The following TAOK3 variants were observed in gnomAD, a reference collection of about 807,000 sequenced individuals.
TAOK3 encodes the protein TAO kinase 3.
A neutral mutation model predicts 120.4 loss-of-function variants in TAOK3; 40 were observed. That is an observed-to-expected ratio of 0.33 (90% CI 0.26 to 0.43). The LOEUF (loss-of-function observed/expected upper bound fraction) is 0.43. TAOK3 is among the 20% of genes least tolerant of loss of function. The pLI, the probability that TAOK3 is intolerant of heterozygous loss-of-function variation, is 1.00. For missense variants in TAOK3, 821 were observed against 1,112.1 expected (o/e 0.74, Z 3.72); for synonymous variants, 355 against 387.5 (o/e 0.92, Z 0.99).
rs535294573 is a variant in TAOK3, at chr12:118,332,198, T to C, written c.-194+40450A>G. On this transcript the variant is annotated intron_variant, in intron 1 of 20. Coordinates refer to ENST00000392533, the MANE Select transcript of TAOK3 (RefSeq NM_016281.4). The stretch of plus-strand genomic sequence containing the variant: ...TAGGAAGTATTTCTAGAGTTTATAC[T>C]AATTGTTTCTTTCTTAAGAAAGACA... Among the ~76,000 whole-genome samples, 48 of 152,330 alleles carry C rather than the reference T, an allele frequency of 3.2e-4. 1 individual carries two copies. In the South Asian group the frequency reaches 9.7e-3, roughly 31 times the overall value.
intron 1 of TAOK3, among the ~76,000 whole-genome samples, chr12:118,354,716 T>C (rs537365650): frequency 7.2e-5 from 11 of 152,234 alleles, no homozygotes; most frequent in African/African-American, 2.2e-4. Context: ...GATGGTTTTA[T>C]CAGGGGGAGT....
chr12:118,363,765 A>C (rs1298083984), intron 1 of TAOK3, among the ~76,000 whole-genome samples: 1 of 151,532 alleles, frequency 6.6e-6, no homozygotes, highest in Non-Finnish European at 1.5e-5. Flanking sequence ...TGAGAGAGAG[A>C]GAGAGAGAGA....
chr12:118,264,193 C>T (rs1224234837), intron 2 of TAOK3, among the ~76,000 whole-genome samples: 1 of 152,188 alleles, frequency 6.6e-6, no homozygotes, highest in Non-Finnish European at 1.5e-5. Flanking sequence ...AAAAGTTAAA[C>T]ATACACCTAT....
chr12:118,322,222 GGACAACTACTT>G (rs2043735761), intron 1 of TAOK3, among the ~76,000 whole-genome samples: 1 of 150,402 alleles, frequency 6.6e-6, no homozygotes, highest in Non-Finnish European at 1.5e-5. Context: ...GGCTGAGGCA[GGACAACTACTT>G]GAACCTGGGA....
Position 118,181,549 on chromosome 12 carries a change from C to G in TAOK3, c.1388G>C (p.Gly463Ala). Residue 463 changes from glycine (G) to alanine (A), a missense_variant, in exon 15 of 21, where the codon GGT becomes GCT. Transcript: ENST00000392533. ...QENELREQMS[G>A]YKRMRRQHQK... Reference sequence around the variant, plus strand: ...GTGCTGGCGCCGCATCCGCTTATAACCTGACATCTGTTCCCGCAACTCGTT... The same window carrying G: ...GTGCTGGCGCCGCATCCGCTTATAAGCTGACATCTGTTCCCGCAACTCGTT... 1 of 1,614,206 alleles carries G rather than the reference C, an allele frequency of 6.2e-7. No individual in the cohort carries two copies. Among genetic ancestry groups the G allele is most frequent in the Non-Finnish European group, 8.5e-7 (1 of 1,180,044 alleles).
chr12:118,213,097 G>T, intron 10 of TAOK3, 102 bp from the exon 11 acceptor site: 1 of 634,740 alleles, frequency 1.6e-6, no homozygotes. Context: ...CATTTAAGGA[G>T]ATTTTAAAAA....
chr12:118,246,451 G>A lies in TAOK3; in HGVS notation c.121-1486C>T. 12 of 1,445,794 alleles carry A rather than the reference G, an allele frequency of 8.3e-6. No homozygotes were observed. In the South Asian group the frequency reaches 1.4e-4, roughly 17 times the overall value. 89.6% of individuals were successfully genotyped at this position (1,445,794 alleles called of 1,614,324 possible). Reference sequence around the variant, plus strand: ...CAGACCCGTGCCAGCCAGCGCACCAGGTTCAAGGCGTTTGTTGCTATCGGG... The same window carrying A: ...CAGACCCGTGCCAGCCAGCGCACCAAGTTCAAGGCGTTTGTTGCTATCGGG... On this transcript the variant is annotated intron_variant, in intron 3 of 20. Transcript: ENST00000392533.
intron 1 of TAOK3, among the ~76,000 whole-genome samples, chr12:118,334,877 C>T (rs565116146): frequency 2.0e-4 from 28 of 138,296 alleles, no homozygotes; most frequent in African/African-American, 8.1e-5. Flanking sequence ...AGCAAGACTC[C>T]GTCTCCAAAA....
chr12:118,237,248 A>T (rs1428003192), intron 7 of TAOK3, among the ~76,000 whole-genome samples: 1 of 152,176 alleles, frequency 6.6e-6, no homozygotes. Context: ...ACCATAACCC[A>T]ATAGTTTCAC....
At position 118,246,056 on chromosome 12, in the gene TAOK3, A is replaced by C. The variant is rs1593284123; in HGVS notation, c.121-1091T>G. The C allele has an allele frequency of 2.3e-6, 2 of 881,492 alleles. 1 individual carries two copies. The highest frequency in any genetic ancestry group is 3.3e-6 in the Non-Finnish European group (2 of 598,882). The allele number at this position is 881,492 out of a possible 1,614,324, so 54.6% of individuals were successfully genotyped here. A position where few individuals can be genotyped will look rare whatever the true frequency, so the allele number is the denominator to read the frequency against. ...ATACGTGTAGAAAAAATTATAAAAG[A>C]ATTGCTTCTTTTCCGAGAAAACAAC... On this transcript the variant is annotated intron_variant, in intron 3 of 20. Coordinates refer to ENST00000392533, the MANE Select transcript of TAOK3 (RefSeq NM_016281.4).
At chr12:118,292,519 C>T (rs1261703040) in intron 1 of TAOK3, among the ~76,000 whole-genome samples, 1 of 152,150 alleles carries the variant, frequency 6.6e-6, no homozygotes, top group East Asian at 1.9e-4. Context: ...TCATTTTACC[C>T]TTAACACTAT....
Position 118,161,819 on chromosome 12 carries a change from A to G in TAOK3, c.2108T>C (p.Met703Thr). 1 of 1,614,238 alleles carries G rather than the reference A, an allele frequency of 6.2e-7. No homozygotes were observed. Among genetic ancestry groups the G allele is most frequent in the Admixed American group, 1.7e-5 (1 of 60,028 alleles). Residue 703 changes from methionine to threonine, a missense_variant, in exon 18 of 21, where the codon ATG (methionine) becomes ACG (threonine). This residue lies in a region of TAOK3 where 354 missense variants were observed against 572.1 expected (regional missense o/e 0.62). Transcript: ENST00000392533. This position sits in a 1 kb window ranked among gnomAD's most constrained non-coding sequence, Gnocchi z 4.5. Reference protein sequence around the residue: ...RERELHRKHVMELRQQPKNLK... With the variant: ...RERELHRKHVTELRQQPKNLK... The stretch of plus-strand genomic sequence containing the variant: ...GTTTTTTGGCTGTTGCCGAAGTTCC[A>G]TGACATGCTTTCTGTGCAGTTCTCT...
intron 1 of TAOK3, among the ~76,000 whole-genome samples, chr12:118,353,655 G>A (rs2045272024): frequency 6.6e-6 from 1 of 152,134 alleles, no homozygotes; most frequent in African/African-American, 2.4e-5. Flanking sequence ...GTCCAGGAAC[G>A]AGGCAACAAG....
chr12:118,328,191 G>A (rs1265840623), intron 1 of TAOK3, among the ~76,000 whole-genome samples: 4 of 151,952 alleles, frequency 2.6e-5, no homozygotes, highest in African/African-American at 9.7e-5. Context: ...CTCCCGAGTA[G>A]CTGGGATTAC....
At chr12:118,356,935 A>G (rs1480413807) in intron 1 of TAOK3, among the ~76,000 whole-genome samples, 1 of 152,106 alleles carries the variant, frequency 6.6e-6, no homozygotes, top group Non-Finnish European at 1.5e-5. Flanking sequence ...ATAAACAAGC[A>G]AGCTACTACT....
intron 1 of TAOK3, among the ~76,000 whole-genome samples, chr12:118,281,919 A>C (rs777736135): frequency 1.3e-5 from 2 of 152,244 alleles, no homozygotes; most frequent in Non-Finnish European, 2.9e-5. Context: ...TGTACATGTA[A>C]CAACTAATGT....
chr12:118,326,764 C>G (rs2043952485), intron 1 of TAOK3, among the ~76,000 whole-genome samples: 1 of 152,128 alleles, frequency 6.6e-6, no homozygotes, highest in Non-Finnish European at 1.5e-5. Flanking sequence ...GCTGGTAAAA[C>G]ATTCAGTGCT....
chr12:118,199,541 G>T lies in TAOK3; in HGVS notation c.988-284C>A, dbSNP rs1326509788. On this transcript the variant is annotated intron_variant, in intron 12 of 20. Coordinates refer to ENST00000392533, the MANE Select transcript of TAOK3 (RefSeq NM_016281.4). ...CTGTCATACACACTATCATATTATCGTGTTGCTATTCAGTAAGCAAAATCA... is the reference window on the plus strand; with the variant it reads ...CTGTCATACACACTATCATATTATCTTGTTGCTATTCAGTAAGCAAAATCA... 1.6e-5 allele frequency: 7 copies of T among 437,156 alleles called. No individual in the cohort carries two copies. In the Admixed American group the frequency reaches 2.2e-4, roughly 13 times the overall value. 27.1% of individuals were successfully genotyped at this position (437,156 alleles called of 1,614,324 possible). A position where few individuals can be genotyped will look rare whatever the true frequency, so the allele number is the denominator to read the frequency against.
At chr12:118,370,115 C>T (rs572623525) in intron 1 of TAOK3, among the ~76,000 whole-genome samples, 16 of 149,604 alleles carry the variant, frequency 1.1e-4, no homozygotes, top group African/African-American at 3.6e-4. Context: ...CCTTGTGATC[C>T]GCCTGCCTCG....
Sources: allele counts gnomAD v4.1 joint callset (sites outside exome capture counted in the v4.1 genomes callset), GRCh38; gene constraint gnomAD v4.1.1; regional missense constraint gnomAD v4.1.1; non-coding constraint Gnocchi (gnomAD v3.1); transcripts MANE v1.5; gene names NCBI Gene and HGNC (gene_info 2026-07-23, HGNC 2026-07-21).